The following IL1RAPL2 variants were observed in gnomAD, a reference collection of about 807,000 sequenced individuals.
The protein encoded by IL1RAPL2 is X-linked interleukin-1 receptor accessory protein-like 2.
Under a neutral mutation model 44.1 loss-of-function variants are expected in IL1RAPL2, and 3 were observed. The observed-to-expected ratio is 0.07, with a 90% CI of 0.03 to 0.18. The LOEUF is 0.18. IL1RAPL2 is among the 10% of genes least tolerant of loss of function. The pLI is 1.00. For missense variants in IL1RAPL2, 391 were observed against 496.4 expected, an observed-to-expected ratio of 0.79 and a Z score of 2.02; for synonymous variants, 181 against 178.8, an observed-to-expected ratio of 1.01 and a Z score of -0.10.
chrX:104,846,708 A>G (rs1219936332), intron 2 of IL1RAPL2, among the ~76,000 whole-genome samples: 1 of 112,119 alleles, frequency 8.9e-6, no homozygotes, highest in Non-Finnish European at 1.9e-5. Context: ...TTGGGTATAT[A>G]CCCAGTAATG....
chrX:104,740,156 C>T lies in IL1RAPL2; in HGVS notation c.82+81161C>T, dbSNP rs187040354. The stretch of plus-strand genomic sequence containing the variant: ...CAGTCACTACTTACATTATCTGTTG[C>T]CTATCTGTAATTGCTTGCAACAGTG... On this transcript the variant is annotated intron_variant, in intron 2 of 10. Transcript: ENST00000372582. Among the ~76,000 whole-genome samples, 138 of 111,240 alleles carry T rather than the reference C, an allele frequency of 1.2e-3. 1 individual carries two copies. The highest frequency in any genetic ancestry group is 4.4e-3 in the African/African-American group (134 of 30,729).
At chrX:105,637,546 C>CG (rs2037533241) in intron 6 of IL1RAPL2, among the ~76,000 whole-genome samples, 1 of 109,205 alleles carries the variant, frequency 9.2e-6, no homozygotes, top group Admixed American at 9.8e-5. Flanking sequence ...CACTGAGCCT[C>CG]TGACGAAAAT....
rs141851718 is a variant in IL1RAPL2 at position 105,416,801 on chromosome X, G to T, written c.698-67512G>T. Among the ~76,000 whole-genome samples, 1,012 of 111,780 alleles carry T rather than the reference G, an allele frequency of 9.1e-3. 5 individuals carry two copies. The highest frequency in any genetic ancestry group is 0.012 in the Non-Finnish European group (657 of 53,199). ...TTGCTTCTCATTGTCTTAAGAAAGA[G>T]ACTTGCGGGGTTAACAGCAGCATCT... On this transcript the variant is annotated intron_variant, in intron 5 of 10. Coordinates refer to ENST00000372582, the MANE Select transcript of IL1RAPL2 (RefSeq NM_017416.2).
At position 105,484,306 on chromosome X, in the gene IL1RAPL2, C is replaced by T. The variant is rs753909518; in HGVS notation, c.698-7C>T. On this transcript the variant is annotated splice_polypyrimidine_tract_variant and splice_region_variant and intron_variant, in intron 5 of 10. Transcript: ENST00000372582. ...TTTCCATTACTTTCTTTCATTTTCTCTTCTAGCTTTACTCACAGACAAGCC... is the reference window on the plus strand; with the variant it reads ...TTTCCATTACTTTCTTTCATTTTCTTTTCTAGCTTTACTCACAGACAAGCC... 8.5e-7 allele frequency: 1 copy of T among 1,180,291 alleles called. No homozygotes were observed. Among genetic ancestry groups the T allele is most frequent in the Non-Finnish European group, 1.2e-6 (1 of 868,502 alleles).
intron 2 of IL1RAPL2, among the ~76,000 whole-genome samples, chrX:104,824,663 T>G (rs981993172): frequency 8.9e-6 from 1 of 112,013 alleles, no homozygotes; most frequent in East Asian, 2.8e-4. Flanking sequence ...GATTTTCTAG[T>G]TTATTTGCAC....
At chrX:105,040,759 G>A (rs1205357917) in intron 2 of IL1RAPL2, among the ~76,000 whole-genome samples, 2 of 109,848 alleles carry the variant, frequency 1.8e-5, no homozygotes, top group African/African-American at 6.8e-5. Context: ...GTGTCTATTT[G>A]ATTCTTCTTT....
chrX:104,878,652 T>G (rs762751206), intron 2 of IL1RAPL2, among the ~76,000 whole-genome samples: 1 of 111,931 alleles, frequency 8.9e-6, no homozygotes, highest in Non-Finnish European at 1.9e-5. Context: ...TAGGGCCTCC[T>G]GGGAGGTCTC....
chrX:105,142,998 G>A (rs1396613614), intron 2 of IL1RAPL2, among the ~76,000 whole-genome samples: 2 of 111,065 alleles, frequency 1.8e-5, no homozygotes, highest in Non-Finnish European at 3.8e-5. Flanking sequence ...TGGTGTATAT[G>A]TGCCACATTT....
intron 5 of IL1RAPL2, among the ~76,000 whole-genome samples, chrX:105,353,717 G>A (rs945499093): frequency 9.0e-6 from 1 of 111,324 alleles, no homozygotes; most frequent in African/African-American, 3.3e-5. Context: ...GTTCACTCAT[G>A]ATTTGGCTCT....
chrX:105,360,013 T>C (rs1342363659), intron 5 of IL1RAPL2, among the ~76,000 whole-genome samples: 1 of 111,458 alleles, frequency 9.0e-6, no homozygotes, highest in Non-Finnish European at 1.9e-5. Flanking sequence ...AGTCCATGAT[T>C]TTAAGCACTA....
intron 5 of IL1RAPL2, among the ~76,000 whole-genome samples, chrX:105,274,649 G>T (rs957995725): frequency 3.6e-5 from 4 of 112,205 alleles, no homozygotes; most frequent in African/African-American, 1.3e-4. Flanking sequence ...TGAAAAGAGA[G>T]TTATTCACTA....
intron 2 of IL1RAPL2, among the ~76,000 whole-genome samples, chrX:105,059,593 C>T (rs1397881971): frequency 9.0e-6 from 1 of 111,474 alleles, no homozygotes; most frequent in Non-Finnish European, 1.9e-5. Flanking sequence ...TGCAGTAGCA[C>T]AGTCTCGGCT....
At chrX:105,084,203 C>T (rs771743866) in intron 2 of IL1RAPL2, among the ~76,000 whole-genome samples, 26 of 112,611 alleles carry the variant, frequency 2.3e-4, no homozygotes, top group African/African-American at 6.8e-4. Context: ...ACACAGAGTC[C>T]CCAATGGGGC....
At chrX:105,538,177 C>T (rs2036692520) in intron 6 of IL1RAPL2, among the ~76,000 whole-genome samples, 1 of 108,042 alleles carries the variant, frequency 9.3e-6, no homozygotes, top group Admixed American at 1.0e-4. Flanking sequence ...GCTGGGACTA[C>T]GGGCACCCGC....
chrX:105,670,105 GTATATATATATATA>G (rs1171872748), intron 6 of IL1RAPL2, among the ~76,000 whole-genome samples: 150 of 11,679 alleles, frequency 0.013, 14 homozygotes, highest in African/African-American at 0.025. Flanking sequence ...TGGGTTTCCT[GTATATATATATATA>G]TATATATATA....
chrX:104,674,968 G>A (rs1357994221), intron 2 of IL1RAPL2, among the ~76,000 whole-genome samples: 8 of 108,104 alleles, frequency 7.4e-5, no homozygotes, highest in East Asian at 3.0e-4. Flanking sequence ...TTTTTATTGC[G>A]TCTATTTGAT....
At chrX:105,288,057 G>A (rs941203207) in intron 5 of IL1RAPL2, among the ~76,000 whole-genome samples, 3 of 111,443 alleles carry the variant, frequency 2.7e-5, no homozygotes, top group African/African-American at 9.8e-5. Flanking sequence ...CAAATGGGCA[G>A]AGTTGCAGAA....
chrX:105,200,647 C>T (rs934306748), intron 3 of IL1RAPL2, among the ~76,000 whole-genome samples: 1 of 111,839 alleles, frequency 8.9e-6, no homozygotes, highest in African/African-American at 3.3e-5. Flanking sequence ...TGCGGTGGCT[C>T]GTGCCTATAA....
intron 4 of IL1RAPL2, among the ~76,000 whole-genome samples, chrX:105,264,158 A>G (rs138657803): frequency 9.1e-6 from 1 of 110,408 alleles, no homozygotes; most frequent in Non-Finnish European, 1.9e-5. Flanking sequence ...GGTTTCCCCC[A>G]TCCTGTTCTC....
Sources: allele counts gnomAD v4.1 joint callset (sites outside exome capture counted in the v4.1 genomes callset), GRCh38; gene constraint gnomAD v4.1.1; transcripts MANE v1.5; gene names NCBI Gene and HGNC (gene_info 2026-07-23, HGNC 2026-07-21).